TCAIM: variants seen among roughly 807,000 people sequenced by gnomAD.
TCAIM encodes T cell activation inhibitor, mitochondrial.
A neutral mutation model predicts 58.6 loss-of-function variants in TCAIM; 36 were observed. That is an observed-to-expected ratio of 0.61 (90% CI 0.47 to 0.81). The LOEUF is 0.81. Ranked by LOEUF, TCAIM falls within the 30% of genes least tolerant of loss-of-function variation. The pLI, the probability that TCAIM is intolerant of heterozygous loss-of-function variation, is 0.00. For synonymous variants in TCAIM, 172 were observed against 193.6 expected, an observed-to-expected ratio of 0.89 and a Z score of 0.93; for missense variants, 466 against 579.6, an observed-to-expected ratio of 0.80 and a Z score of 2.01.
intron 4 of TCAIM, 150 bp downstream of exon 4, chr3:44,361,668 T>C: frequency 1.1e-6 from 1 of 870,090 alleles, no homozygotes; most frequent in South Asian, 2.9e-5. Context: ...TTAGATTCTA[T>C]TCCTACCTGC....
intron 5 of TCAIM, among the ~76,000 whole-genome samples, chr3:44,390,679 A>G (rs1278514291): frequency 6.6e-6 from 1 of 152,116 alleles, no homozygotes; most frequent in East Asian, 1.9e-4. Context: ...AACAAATTTT[A>G]AGAAAAAATG....
chr3:44,342,678 T>C (rs76755250), intron 1 of TCAIM, among the ~76,000 whole-genome samples: 1 of 151,752 alleles, frequency 6.6e-6, no homozygotes, highest in South Asian at 2.1e-4. Context: ...TACCAGGAGA[T>C]TTTTTTTCCT....
In TCAIM at chr3:44,408,013, A is replaced by G. The variant is rs1185770919; in HGVS notation, c.*331A>G. On this transcript the variant is annotated 3_prime_UTR_variant, in exon 11 of 11. Coordinates refer to ENST00000342649, the MANE Select transcript of TCAIM (RefSeq NM_173826.4). ...CAAGACCTTGTCTCAAAAAATAATA[A>G]TGATAATTTAAAATAAATAAGTAAC... The G allele has an allele frequency of 5.6e-5, 9 of 161,782 alleles. 1 individual carries two copies. Among genetic ancestry groups the G allele is most frequent in the Non-Finnish European group, 1.3e-5 (1 of 74,654 alleles). The allele number at this position is 161,782 out of a possible 1,614,324, so 10.0% of individuals were successfully genotyped here. A position where few individuals can be genotyped will look rare whatever the true frequency, so the allele number is the denominator to read the frequency against.
At chr3:44,347,415 G>A (rs112049841) in intron 1 of TCAIM, among the ~76,000 whole-genome samples, 9 of 152,218 alleles carry the variant, frequency 5.9e-5, no homozygotes, top group African/African-American at 2.2e-4. Context: ...TACAGCCCAG[G>A]TAAGTTGCTG....
intron 4 of TCAIM, among the ~76,000 whole-genome samples, chr3:44,363,364 A>G (rs1329577768): frequency 6.6e-6 from 1 of 152,222 alleles, no homozygotes; most frequent in Non-Finnish European, 1.5e-5. Context: ...GCCCTCTGAC[A>G]AAGATTTAAA....
At chr3:44,368,022 C>T (rs558900413) in intron 5 of TCAIM, 11 of 257,988 alleles carry the variant, frequency 4.3e-5, no homozygotes, top group South Asian at 3.3e-4. Flanking sequence ...AAGTTACCCC[C>T]GGTACATGGA....
chr3:44,360,487 C>T (rs1458014799), intron 3 of TCAIM, among the ~76,000 whole-genome samples: 3 of 151,556 alleles, frequency 2.0e-5, no homozygotes, highest in Admixed American at 1.3e-4. Context: ...ATCTGCAAAA[C>T]ATTGTGGGTT....
chr3:44,374,125 A>G (rs999794921), intron 5 of TCAIM, among the ~76,000 whole-genome samples: 6 of 152,190 alleles, frequency 3.9e-5, no homozygotes, highest in African/African-American at 1.4e-4. Context: ...CATTGGAACT[A>G]TTCTATAAAA....
intron 5 of TCAIM, among the ~76,000 whole-genome samples, chr3:44,390,038 A>G (rs1156378675): frequency 2.0e-5 from 3 of 152,194 alleles, no homozygotes; most frequent in Non-Finnish European, 4.4e-5. Flanking sequence ...TTCCAGGAAG[A>G]ATTACTTCTT....
At chr3:44,348,312 GAGTC>G (rs368317289) in intron 1 of TCAIM, among the ~76,000 whole-genome samples, 7 of 150,162 alleles carry the variant, frequency 4.7e-5, no homozygotes, top group South Asian at 2.1e-4. Context: ...ATCTGGGAAG[GAGTC>G]AGTCAGAGAG....
At chr3:44,364,112 A>T (rs2125635972) in intron 4 of TCAIM, among the ~76,000 whole-genome samples, 1 of 151,524 alleles carries the variant, frequency 6.6e-6, no homozygotes, top group African/African-American at 2.4e-5. Flanking sequence ...TATTTTTAGT[A>T]GAGACGGGGT....
rs869077768 is a variant in TCAIM, at chr3:44,394,921, AATATATATATATATATATAT to A, written c.696-1460_696-1441del. ...AAAAAAAAAAAAAAAAAAAAAAAAAAATATATATATATATATATATATATATATATATATATATGTATATA... is the reference window on the plus strand; with the variant it reads ...AAAAAAAAAAAAAAAAAAAAAAAAAAATATATATATATATATATGTATATA... On this transcript the variant is annotated intron_variant, in intron 6 of 10. Transcript: ENST00000342649. Among the ~76,000 whole-genome samples the A allele has an allele frequency of 1.8e-3, 85 of 48,486 alleles. 1 individual carries two copies. Among genetic ancestry groups the A allele is most frequent in the African/African-American group, 6.4e-3 (72 of 11,230 alleles). 31.8% of individuals were successfully genotyped at this position (48,486 alleles called of 152,430 possible).
intron 5 of TCAIM, among the ~76,000 whole-genome samples, chr3:44,386,295 C>T (rs1262973120): frequency 6.6e-6 from 1 of 151,400 alleles, no homozygotes; most frequent in Admixed American, 6.6e-5. Context: ...GGGAGGATTG[C>T]TTGAGCCCAG....
intron 5 of TCAIM, among the ~76,000 whole-genome samples, chr3:44,369,699 G>A (rs1443693124): frequency 6.6e-6 from 1 of 152,136 alleles, no homozygotes; most frequent in Non-Finnish European, 1.5e-5. Flanking sequence ...TTTAGTAAAA[G>A]GAGACTTTCT....
intron 5 of TCAIM, among the ~76,000 whole-genome samples, chr3:44,377,831 T>C (rs978801097): frequency 6.6e-6 from 1 of 151,910 alleles, no homozygotes; most frequent in African/African-American, 2.4e-5. Context: ...AAATTAAAAA[T>C]AAAAAGAAAT....
intron 5 of TCAIM, among the ~76,000 whole-genome samples, chr3:44,388,524 A>T (rs1171496745): frequency 1.3e-5 from 2 of 152,190 alleles, no homozygotes; most frequent in Admixed American, 6.5e-5. Flanking sequence ...TGTTATGTTT[A>T]TGTAACCCAT....
chr3:44,389,225 G>A (rs925501615), intron 5 of TCAIM, among the ~76,000 whole-genome samples: 41 of 152,322 alleles, frequency 2.7e-4, no homozygotes, highest in African/African-American at 9.9e-4. Flanking sequence ...AGGAGGCGGA[G>A]GTTGCAGCGA....
chr3:44,388,134 T>C (rs1020674042), intron 5 of TCAIM, among the ~76,000 whole-genome samples: 3 of 152,004 alleles, frequency 2.0e-5, no homozygotes, highest in African/African-American at 4.8e-5. Flanking sequence ...AATACCTAGG[T>C]TGTACTTTTT....
rs1219311133 is a variant in TCAIM at position 44,361,455 on chromosome 3, A to C, written c.256A>C (p.Thr86Pro). 6.2e-7 allele frequency: 1 copy of C among 1,613,016 alleles called. No homozygotes were observed. The highest frequency in any genetic ancestry group is 8.5e-7 in the Non-Finnish European group (1 of 1,179,538). ...CAAGTCTTTGAAACCAACTCAGCTT[A>C]CATTTTATGTAAGAGAAACAGACCA... ...GFKSLKPTQLTFYVRETDQSS... is the reference protein window; with the variant it reads ...GFKSLKPTQLPFYVRETDQSS... The change falls in exon 4 of 11, where the codon ACA becomes CCA. Residue 86 changes from threonine to proline, a missense_variant. By Grantham distance (38) the Thr-to-Pro change is conservative. Transcript: ENST00000342649.
Sources: allele counts gnomAD v4.1 joint callset (sites outside exome capture counted in the v4.1 genomes callset), GRCh38; gene constraint gnomAD v4.1.1; transcripts MANE v1.5; gene names NCBI Gene and HGNC (gene_info 2026-07-23, HGNC 2026-07-21).